Variants in DNAJC8 observed in about 807,000 individuals in gnomAD.
DNAJC8 encodes the protein DnaJ heat shock protein family (Hsp40) member C8.
Under a neutral mutation model 43.2 loss-of-function variants are expected in DNAJC8, and 24 were observed. The ratio of observed to expected loss-of-function variants is 0.56; its 90% CI spans 0.40 to 0.78. DNAJC8 has a LOEUF of 0.78. Ranked by LOEUF, DNAJC8 falls within the 30% of genes least tolerant of loss-of-function variation. DNAJC8 has a pLI of 0.00. For synonymous variants in DNAJC8, 83 were observed against 98.0 expected (o/e 0.85, Z 0.90); for missense variants, 207 against 299.4 (o/e 0.69, Z 2.28).
chr1:28,210,336 A>G, intron 4 of DNAJC8: 1 of 564,138 alleles, frequency 1.8e-6, no homozygotes. Flanking sequence ...AAAAAAAATG[A>G]TCCTATGCAA....
chr1:28,230,905 C>G (rs903967245), intron 1 of DNAJC8, among the ~76,000 whole-genome samples: 1 of 152,232 alleles, frequency 6.6e-6, no homozygotes, highest in African/African-American at 2.4e-5. Context: ...GTCCTTAACC[C>G]TGAATAGCTC....
rs1245493711 is a variant in DNAJC8 at position 28,223,005 on chromosome 1, G to A, written c.180+5917C>T. ...GGGTGTCTGAGACCAAGCAAGGTAC[G>A]GAGGGTGTCCACAGGGGAAGGTAGC... On this transcript the variant is annotated intron_variant, in intron 2 of 8. Transcript: ENST00000263697. Among the ~76,000 whole-genome samples, 9 of 152,126 alleles carry A rather than the reference G, an allele frequency of 5.9e-5. No homozygotes were observed. The South Asian group carries it at 6.2e-4, about 10-fold the overall frequency.
intron 7 of DNAJC8, 41 bp from the exon 8 acceptor site, chr1:28,203,863 C>A: frequency 6.3e-7 from 1 of 1,589,410 alleles, no homozygotes; most frequent in Non-Finnish European, 8.6e-7. Context: ...ATGATACTTA[C>A]AGACTGAATT....
At chr1:28,216,567 G>A (rs59929102) in intron 2 of DNAJC8, among the ~76,000 whole-genome samples, 2,813 of 152,006 alleles carry the variant, frequency 0.019, 62 homozygotes, top group African/African-American at 0.054. Flanking sequence ...AAATTTTGCT[G>A]TGTGTATTTG....
intron 4 of DNAJC8, chr1:28,210,329 A>T: frequency 1.8e-6 from 1 of 563,784 alleles, no homozygotes; most frequent in Non-Finnish European, 3.1e-6. Context: ...TTCAAAGAAA[A>T]AAAATGATCC....
intron 3 of DNAJC8, among the ~76,000 whole-genome samples, chr1:28,212,170 T>TAAATAAATATAA (rs1314233756): frequency 4.2e-5 from 1 of 23,726 alleles, no homozygotes; most frequent in African/African-American, 1.7e-4. Context: ...AATAAATAAA[T>TAAATAAATATAA]ATATATATAT....
chr1:28,206,561 G>A (rs1319337798), intron 6 of DNAJC8, among the ~76,000 whole-genome samples: 2 of 152,136 alleles, frequency 1.3e-5, no homozygotes, highest in Admixed American at 6.5e-5. Flanking sequence ...AAAAATAAGT[G>A]AACGTAAGTG....
chr1:28,212,164 AATAAATAT>A lies in DNAJC8; in HGVS notation c.238-1535_238-1528del, dbSNP rs1330498464. Among the ~76,000 whole-genome samples the A allele has an allele frequency of 6.6e-3, 203 of 30,564 alleles. 5 individuals carry two copies. Among genetic ancestry groups the A allele is most frequent in the Non-Finnish European group, 0.011 (143 of 12,756 alleles). The allele number at this position is 30,564 out of a possible 152,430, so 20.1% of individuals were successfully genotyped here. ...GAGCCGGACTCCGTCTCAATAAATA[AATAAATAT>A]ATATATATATATATATATATATATA... is the stretch of plus-strand genomic sequence containing the variant. On this transcript the variant is annotated intron_variant, in intron 3 of 8. Transcript: ENST00000263697.
At chr1:28,202,508 T>C (rs1355291897) in intron 8 of DNAJC8, among the ~76,000 whole-genome samples, 1 of 151,192 alleles carries the variant, frequency 6.6e-6, no homozygotes, top group Non-Finnish European at 1.5e-5. Context: ...TTCGATCTCC[T>C]GACCTCATGA....
intron 1 of DNAJC8, among the ~76,000 whole-genome samples, chr1:28,232,275 C>T (rs1412507853): frequency 6.6e-6 from 1 of 152,150 alleles, no homozygotes; most frequent in Non-Finnish European, 1.5e-5. Context: ...AAACGGCATG[C>T]TTTTATTTCA....
intron 3 of DNAJC8, among the ~76,000 whole-genome samples, chr1:28,212,754 G>A (rs1646824327): frequency 1.3e-5 from 2 of 152,102 alleles, no homozygotes; most frequent in Admixed American, 6.6e-5. Context: ...GGAATCTAAC[G>A]CTCCGTTCAG....
intron 2 of DNAJC8, among the ~76,000 whole-genome samples, chr1:28,221,902 T>G (rs1406631930): frequency 6.6e-6 from 1 of 152,194 alleles, no homozygotes; most frequent in East Asian, 1.9e-4. Flanking sequence ...AGATTACCAT[T>G]CAGCCTTAAA....
At chr1:28,215,538 CTA>C (rs1646845990) in intron 2 of DNAJC8, among the ~76,000 whole-genome samples, 1 of 149,804 alleles carries the variant, frequency 6.7e-6, no homozygotes, top group African/African-American at 2.5e-5. Context: ...AGGAACAACT[CTA>C]TTTTTTTTTT....
chr1:28,219,113 A>T (rs1272414137), intron 2 of DNAJC8, among the ~76,000 whole-genome samples: 2 of 152,170 alleles, frequency 1.3e-5, no homozygotes, highest in Non-Finnish European at 2.9e-5. Context: ...ATTTCTTTTT[A>T]AAAAATAAAT....
chr1:28,230,653 G>A (rs1646967624), intron 1 of DNAJC8, among the ~76,000 whole-genome samples: 1 of 152,048 alleles, frequency 6.6e-6, no homozygotes, highest in Non-Finnish European at 1.5e-5. Flanking sequence ...TTTGTTTTTT[G>A]AGAAGGGGTC....
intron 3 of DNAJC8, among the ~76,000 whole-genome samples, chr1:28,212,830 G>C (rs1019391694): frequency 1.3e-5 from 2 of 152,178 alleles, no homozygotes; most frequent in South Asian, 4.2e-4. Context: ...ATGAGACCTC[G>C]AGCAAATCAC....
intron 6 of DNAJC8, among the ~76,000 whole-genome samples, chr1:28,207,522 C>T (rs1413564565): frequency 6.6e-6 from 1 of 151,428 alleles, no homozygotes; most frequent in Non-Finnish European, 1.5e-5. Flanking sequence ...TGGCTCACTG[C>T]AATCTCTGCC....
In DNAJC8 at chr1:28,232,993, C is replaced by G; in HGVS notation, c.6G>C (p.Ala2=). The change falls in exon 1 of 9, where the codon GCG becomes GCC. Residue 2 remains alanine, a synonymous_variant. Coordinates refer to ENST00000263697, the MANE Select transcript of DNAJC8 (RefSeq NM_014280.3). ...CTGAAGTCCCGCTCTCTCCTGAAGC[C>G]GCCATTTCCCCGGCCCAGCCACCAC... M[A]ASGESGTSGG... 3 of 1,612,136 alleles carry G rather than the reference C, an allele frequency of 1.9e-6. No individual in the cohort carries two copies. Among genetic ancestry groups the G allele is most frequent in the African/African-American group, 2.7e-5 (2 of 75,006 alleles).
At chr1:28,205,194 C>A in intron 7 of DNAJC8, 64 bp downstream of exon 7, 1 of 1,278,422 alleles carries the variant, frequency 7.8e-7, no homozygotes, top group South Asian at 1.3e-5. Flanking sequence ...GGAAAATCAC[C>A]AAAGACCAAT....
Sources: gnomAD v4.1 joint callset for allele counts (sites outside exome capture counted in the v4.1 genomes callset) on GRCh38, gnomAD v4.1.1 for gene constraint, MANE v1.5 for transcripts, NCBI Gene and HGNC (gene_info 2026-07-23, HGNC 2026-07-21) for gene names.